Variants in SGTA observed in about 807,000 individuals in gnomAD.
The protein encoded by SGTA is small glutamine-rich tetratricopeptide repeat-containing protein alpha.
Under a neutral mutation model 44.3 loss-of-function variants are expected in SGTA, and 22 were observed. The ratio of observed to expected loss-of-function variants is 0.50; its 90% CI spans 0.36 to 0.71. SGTA has a LOEUF of 0.71. Among genes scored for constraint, SGTA ranks in the 30% least tolerant of loss-of-function variants. The probability of loss-of-function intolerance (pLI) is 0.00; values close to 1 mark genes in which losing one functional copy is unlikely to be tolerated. For synonymous variants in SGTA, 174 were observed against 177.6 expected (o/e 0.98, Z 0.16); for missense variants, 341 against 435.9 (o/e 0.78, Z 1.94).
chr19:2,769,819 C>T (rs1487819778), intron 1 of SGTA, among the ~76,000 whole-genome samples: 1 of 139,958 alleles, frequency 7.1e-6, no homozygotes, highest in Non-Finnish European at 1.6e-5. Context: ...TGACACCCTC[C>T]TGGTTCCCCC....
chr19:2,763,607 G>A lies in SGTA; in HGVS notation c.497+46C>T, dbSNP rs200057130. Reference sequence around the variant, plus strand: ...GAGAGGAAGCAGGAGCAGGAGAGGAGGGGTCCCGAGAGACTGGAAAGGCGC... The same window carrying A: ...GAGAGGAAGCAGGAGCAGGAGAGGAAGGGTCCCGAGAGACTGGAAAGGCGC... On this transcript the variant is annotated intron_variant, in intron 6 of 11. Transcript: ENST00000221566. The surrounding 1 kb of genome is among the most constrained non-coding windows in gnomAD (Gnocchi z 5.8). The A allele has an allele frequency of 4.2e-5, 55 of 1,321,984 alleles. No homozygotes were observed. Among genetic ancestry groups the A allele is most frequent in the Non-Finnish European group, 2.1e-6 (2 of 934,788 alleles). The allele number at this position is 1,321,984 out of a possible 1,614,324, so 81.9% of individuals were successfully genotyped here.
chr19:2,775,138 C>T (rs1915415578), intron 1 of SGTA, among the ~76,000 whole-genome samples: 1 of 152,236 alleles, frequency 6.6e-6, no homozygotes, highest in African/African-American at 2.4e-5. Context: ...CTCATGACCT[C>T]GGCGCAGTGA....
chr19:2,760,616 G>T lies in SGTA; in HGVS notation c.699+844C>A, dbSNP rs1434897548. ...CCCCAGATGTCTGAAGGGAAAAGGC[G>T]TCTGTGACATGGCCAAGCTGAGAGG... is the stretch of plus-strand genomic sequence containing the variant. On this transcript the variant is annotated intron_variant, in intron 8 of 11. Transcript: ENST00000221566. 3.3e-5 allele frequency among the ~76,000 whole-genome samples: 5 copies of T among 151,844 alleles called. No individual in the cohort carries two copies. The South Asian group carries it at 1.0e-3, about 32-fold the overall frequency.
At chr19:2,770,214 A>G (rs1915268998) in intron 1 of SGTA, 1 of 162,816 alleles carries the variant, frequency 6.1e-6, no homozygotes, top group Middle Eastern at 2.8e-3. Context: ...GCTTCTGCTC[A>G]TGTCTGTGGT....
intron 1 of SGTA, among the ~76,000 whole-genome samples, chr19:2,780,533 C>T (rs1222928555): frequency 6.6e-6 from 1 of 152,156 alleles, no homozygotes; most frequent in East Asian, 1.9e-4. Flanking sequence ...ACATGCCACT[C>T]AAACTCAAGT....
In SGTA at chr19:2,763,617, G is replaced by A. The variant is rs1198912791; in HGVS notation, c.497+36C>T. On this transcript the variant is annotated intron_variant, in intron 6 of 11. Transcript: ENST00000221566. This position sits in a 1 kb window ranked among gnomAD's most constrained non-coding sequence, Gnocchi z 5.8. The stretch of plus-strand genomic sequence containing the variant: ...AGGAGCAGGAGAGGAGGGGTCCCGA[G>A]AGACTGGAAAGGCGCGGCCGTGGAC... 33 of 1,476,330 alleles carry A rather than the reference G, an allele frequency of 2.2e-5. No homozygotes were observed. The highest frequency in any genetic ancestry group is 3.1e-5 in the Non-Finnish European group (33 of 1,064,542). The allele number at this position is 1,476,330 out of a possible 1,614,324, so 91.5% of individuals were successfully genotyped here. A position where few individuals can be genotyped will look rare whatever the true frequency, so the allele number is the denominator to read the frequency against.
Position 2,765,867 on chromosome 19 carries a change from G to A in SGTA, c.293-582C>T, listed in dbSNP as rs548145460. Reference sequence around the variant, plus strand: ...GCGTGGGGGGAAGATGGGTATCAGCGTGTGTTTCCCTAAACAGTTTTATTG... The same window carrying A: ...GCGTGGGGGGAAGATGGGTATCAGCATGTGTTTCCCTAAACAGTTTTATTG... On this transcript the variant is annotated intron_variant, in intron 4 of 11. Transcript: ENST00000221566. The surrounding 1 kb of genome is among the most constrained non-coding windows in gnomAD (Gnocchi z 5.5). Among the ~76,000 whole-genome samples, 147 of 152,214 alleles carry A rather than the reference G, an allele frequency of 9.7e-4. No individual in the cohort carries two copies. Among genetic ancestry groups the A allele is most frequent in the Middle Eastern group, 3.4e-3 (1 of 292 alleles).
chr19:2,760,419 G>A (rs919948779), intron 8 of SGTA, among the ~76,000 whole-genome samples: 1 of 148,042 alleles, frequency 6.8e-6, no homozygotes, highest in African/African-American at 2.5e-5. Flanking sequence ...TCGGGAGGCT[G>A]ACGCAGGAGA....
intron 2 of SGTA, among the ~76,000 whole-genome samples, chr19:2,768,070 G>A (rs1915200275): frequency 6.6e-6 from 1 of 152,156 alleles, no homozygotes; most frequent in South Asian, 2.1e-4. Context: ...AAGGGCGCCT[G>A]GCCTGAGTAA....
intron 9 of SGTA, among the ~76,000 whole-genome samples, chr19:2,758,619 C>T (rs954787064): frequency 1.5e-4 from 23 of 152,100 alleles, no homozygotes; most frequent in African/African-American, 5.1e-4. Flanking sequence ...TATGAGCCAG[C>T]GAGTGCACTC....
rs1016191570 is a variant in SGTA at position 2,767,824 on chromosome 19, C to T, written c.101-138G>A. 1.6e-5 allele frequency: 11 copies of T among 682,194 alleles called. No individual in the cohort carries two copies. The highest frequency in any genetic ancestry group is 3.6e-5 in the African/African-American group (2 of 56,184). The allele number at this position is 682,194 out of a possible 1,614,324, so 42.3% of individuals were successfully genotyped here. On this transcript the variant is annotated intron_variant, in intron 2 of 11. Coordinates refer to ENST00000221566, the MANE Select transcript of SGTA (RefSeq NM_003021.4). This position sits in a 1 kb window ranked among gnomAD's most constrained non-coding sequence, Gnocchi z 7.3. ...GGACCCCAGAACGCAGGGGCCGCCG[C>T]CTGTGCTCTGGGCTGGGACAGTGGA...
rs562861459 is a variant in SGTA at position 2,767,891 on chromosome 19, C to T, written c.101-205G>A. 3.3e-5 allele frequency among the ~76,000 whole-genome samples: 5 copies of T among 152,292 alleles called. No homozygotes were observed. The highest frequency in any genetic ancestry group is 2.1e-4 in the South Asian group (1 of 4,826). ...AAAGAAAAGCCAGACAGAGACGCCC[C>T]GTGCCCCTGAGAGCAGCAGAGGCCG... On this transcript the variant is annotated intron_variant, in intron 2 of 11. Coordinates refer to ENST00000221566, the MANE Select transcript of SGTA (RefSeq NM_003021.4). The surrounding 1 kb of genome is among the most constrained non-coding windows in gnomAD (Gnocchi z 7.3).
intron 1 of SGTA, among the ~76,000 whole-genome samples, chr19:2,775,008 G>A (rs1425467317): frequency 2.6e-5 from 4 of 152,216 alleles, no homozygotes; most frequent in Non-Finnish European, 5.9e-5. Context: ...TGCCCAGGAC[G>A]GCTCCATCCC....
chr19:2,761,500 T>C lies in SGTA; in HGVS notation c.659A>G (p.Asp220Gly). 1 of 1,551,442 alleles carries C rather than the reference T, an allele frequency of 6.4e-7. No homozygotes were observed. Among genetic ancestry groups the C allele is most frequent in the Non-Finnish European group, 8.7e-7 (1 of 1,146,862 alleles). The change falls in exon 8 of 12, where the codon GAC (aspartate) becomes GGC (glycine). Residue 220 changes from aspartate to glycine, a missense_variant. Physicochemically the swap from Asp to Gly is moderately conservative, Grantham distance 94. Coordinates refer to ENST00000221566, the MANE Select transcript of SGTA (RefSeq NM_003021.4). The surrounding 1 kb of genome is among the most constrained non-coding windows in gnomAD (Gnocchi z 5.7). ...AGGGTTGTTCAGCAGGCCGGCGATGTCGAAGCTGCCCACGCCTCCCGTCTG... is the reference window on the plus strand; with the variant it reads ...AGGGTTGTTCAGCAGGCCGGCGATGCCGAAGCTGCCCACGCCTCCCGTCTG... ...PSPTGGVGSFDIAGLLNNPGF... is the reference protein window; with the variant it reads ...PSPTGGVGSFGIAGLLNNPGF...
intron 4 of SGTA, among the ~76,000 whole-genome samples, chr19:2,766,029 C>A (rs1308121277): frequency 6.6e-6 from 1 of 152,084 alleles, no homozygotes; most frequent in African/African-American, 2.4e-5. Flanking sequence ...CCATCCTGGC[C>A]AACACAGTGA....
intron 8 of SGTA, among the ~76,000 whole-genome samples, chr19:2,760,514 T>A (rs1914955758): frequency 3.2e-5 from 3 of 92,526 alleles, no homozygotes; most frequent in Non-Finnish European, 5.5e-5. Context: ...CGAGACTCCA[T>A]CTCAAAAAAA....
chr19:2,767,567 C>A lies in SGTA; in HGVS notation c.207+13G>T. ...ATTTTGGGGGCAGTGGCTGGGGAAG[C>A]ATCGAGGCTCACCTTGCCCGTGGCA... On this transcript the variant is annotated intron_variant, in intron 3 of 11. Coordinates refer to ENST00000221566, the MANE Select transcript of SGTA (RefSeq NM_003021.4). The surrounding 1 kb of genome is among the most constrained non-coding windows in gnomAD (Gnocchi z 7.3). The A allele has an allele frequency of 6.2e-7, 1 of 1,604,462 alleles. No homozygotes were observed.
chr19:2,759,909 G>A (rs1046211733), intron 8 of SGTA, among the ~76,000 whole-genome samples: 3 of 151,646 alleles, frequency 2.0e-5, no homozygotes, highest in East Asian at 3.9e-4. Context: ...GCAGTGAGCC[G>A]AGATCACACC....
chr19:2,759,712 G>C (rs953114873), intron 8 of SGTA, among the ~76,000 whole-genome samples: 16 of 152,216 alleles, frequency 1.1e-4, no homozygotes, highest in Non-Finnish European at 1.9e-4. Flanking sequence ...TGGAATCCCA[G>C]CACTTTAGGA....
Sources: gnomAD v4.1 joint callset for allele counts (sites outside exome capture counted in the v4.1 genomes callset) on GRCh38, gnomAD v4.1.1 for gene constraint, Gnocchi (gnomAD v3.1) non-coding constraint, MANE v1.5 for transcripts, NCBI Gene and HGNC (gene_info 2026-07-23, HGNC 2026-07-21) for gene names.